The following GRID1 variants were observed in gnomAD, a reference collection of about 807,000 sequenced individuals.
The protein encoded by GRID1 is glutamate receptor ionotropic, delta-1.
In GRID1, 28 loss-of-function variants were observed where a neutral mutation model predicts 98.0. The ratio of observed to expected loss-of-function variants is 0.29; its 90% CI spans 0.21 to 0.39. The LOEUF (loss-of-function observed/expected upper bound fraction) is 0.39. Ranked by LOEUF, GRID1 falls within the 10% of genes least tolerant of loss-of-function variation. The pLI, the probability that GRID1 is intolerant of heterozygous loss-of-function variation, is 1.00. For synonymous variants in GRID1, 553 were observed against 538.5 expected, an observed-to-expected ratio of 1.03 and a Z score of -0.37; for missense variants, 1,111 against 1,340.5, an observed-to-expected ratio of 0.83 and a Z score of 2.67.
intron 3 of GRID1, among the ~76,000 whole-genome samples, chr10:86,146,508 C>G (rs900384084): frequency 5.9e-5 from 9 of 152,182 alleles, no homozygotes; most frequent in African/African-American, 2.2e-4. Flanking sequence ...CAAGGGAACC[C>G]AAAGAACTAC....
intron 4 of GRID1, chr10:86,052,420 T>TA (rs929982893): frequency 6.6e-6 from 1 of 152,156 alleles, no homozygotes; most frequent in African/African-American, 2.4e-5. Flanking sequence ...ATGAATATGT[T>TA]AAAGTTATTT....
chr10:86,295,129 C>T (rs572959330), intron 2 of GRID1, among the ~76,000 whole-genome samples: 11 of 152,286 alleles, frequency 7.2e-5, no homozygotes, highest in South Asian at 6.2e-4. Context: ...GCATACAGAA[C>T]GGCCTTTTCA....
intron 3 of GRID1, among the ~76,000 whole-genome samples, chr10:86,187,369 A>C (rs574693869): frequency 6.6e-6 from 1 of 152,334 alleles, no homozygotes; most frequent in Non-Finnish European, 1.5e-5. Context: ...TGAGACATGG[A>C]GACATTGAGT....
chr10:85,949,889 G>C (rs940757488), intron 4 of GRID1, among the ~76,000 whole-genome samples: 8 of 151,886 alleles, frequency 5.3e-5, no homozygotes, highest in African/African-American at 1.9e-4. Context: ...TATAAAAAGA[G>C]AGAGAGAGAA....
chr10:85,820,753 A>T (rs1842762896), intron 8 of GRID1, among the ~76,000 whole-genome samples: 1 of 152,174 alleles, frequency 6.6e-6, no homozygotes, highest in South Asian at 2.1e-4. Flanking sequence ...AAATTTTTAA[A>T]CTTATCTATA....
rs1841627563 is a variant in GRID1 at position 85,916,791 on chromosome 10, T to C, written c.727-552A>G. On this transcript the variant is annotated intron_variant, in intron 4 of 15. Transcript: ENST00000327946. The surrounding 1 kb of genome is among the most constrained non-coding windows in gnomAD (Gnocchi z 4.0). ...GGGCCGTAGCCCCATCCCGTAACTC[T>C]CTATTAGTGTTTTGTTCTGTTTCTT... Among the ~76,000 whole-genome samples, 1 of 152,188 alleles carries C rather than the reference T, an allele frequency of 6.6e-6. No homozygotes were observed. Among genetic ancestry groups the C allele is most frequent in the Non-Finnish European group, 1.5e-5 (1 of 68,032 alleles).
chr10:86,329,165 C>T (rs1373998682), intron 2 of GRID1, among the ~76,000 whole-genome samples: 2 of 152,218 alleles, frequency 1.3e-5, no homozygotes, highest in Non-Finnish European at 2.9e-5. Context: ...CCCTCCCGAG[C>T]CCTCTAATGT....
intron 3 of GRID1, among the ~76,000 whole-genome samples, chr10:86,199,162 C>T (rs1203267084): frequency 6.6e-6 from 1 of 152,096 alleles, no homozygotes; most frequent in Non-Finnish European, 1.5e-5. Context: ...AACAGCATTT[C>T]CTTGGAGTGA....
chr10:86,328,995 G>C (rs1293534166), intron 2 of GRID1, among the ~76,000 whole-genome samples: 1 of 152,208 alleles, frequency 6.6e-6, no homozygotes, highest in Non-Finnish European at 1.5e-5. Flanking sequence ...TATAAGGACT[G>C]AGTGTCTTTC....
intron 2 of GRID1, among the ~76,000 whole-genome samples, chr10:86,353,158 C>T (rs1848485211): frequency 6.6e-6 from 1 of 152,196 alleles, no homozygotes; most frequent in Admixed American, 6.5e-5. Context: ...CCTCCCTCCC[C>T]ACAGCCCACA....
chr10:86,170,736 C>T lies in GRID1; in HGVS notation c.521-31712G>A, dbSNP rs139272611. ...AGAAGACAACTGCTAACATGTTTGGCTGACAAAGGAGGAAGAGTCCTTCTT... is the reference window on the plus strand; with the variant it reads ...AGAAGACAACTGCTAACATGTTTGGTTGACAAAGGAGGAAGAGTCCTTCTT... On this transcript the variant is annotated intron_variant, in intron 3 of 15. Coordinates refer to ENST00000327946, the MANE Select transcript of GRID1 (RefSeq NM_017551.3). Among the ~76,000 whole-genome samples the T allele has an allele frequency of 1.3e-4, 20 of 152,340 alleles. No individual in the cohort carries two copies. In the East Asian group the frequency reaches 3.9e-3, roughly 29 times the overall value.
At position 86,136,076 on chromosome 10, in the gene GRID1, C is replaced by T. The variant is rs1439307988; in HGVS notation, c.726+2743G>A. 2.0e-5 allele frequency among the ~76,000 whole-genome samples: 3 copies of T among 152,180 alleles called. No homozygotes were observed. The East Asian group carries it at 5.8e-4, about 29-fold the overall frequency. On this transcript the variant is annotated intron_variant, in intron 4 of 15. Transcript: ENST00000327946. ...TTCAGGACATGTTCTGGCAGTGTGT[C>T]ATCCTTGTGAACATCGTTTGTCCTT... is the stretch of plus-strand genomic sequence containing the variant.
rs532502742 is a variant in GRID1 at position 85,703,966 on chromosome 10, T to C, written c.1997+19037A>G. Among the ~76,000 whole-genome samples, 3 of 152,284 alleles carry C rather than the reference T, an allele frequency of 2.0e-5. No individual in the cohort carries two copies. The East Asian group carries it at 5.8e-4, about 29-fold the overall frequency. On this transcript the variant is annotated intron_variant, in intron 12 of 15. Transcript: ENST00000327946. Reference sequence around the variant, plus strand: ...TCAGCATTTGCTTGTCTGTAAAGTATTTTATTTCTCCTTCACTTATGAAGC... The same window carrying C: ...TCAGCATTTGCTTGTCTGTAAAGTACTTTATTTCTCCTTCACTTATGAAGC...
chr10:86,338,823 G>A (rs1278381105), intron 2 of GRID1, among the ~76,000 whole-genome samples: 1 of 152,126 alleles, frequency 6.6e-6, no homozygotes, highest in African/African-American at 2.4e-5. Flanking sequence ...CTCCCAAAGT[G>A]CTAGGATTAC....
At chr10:85,705,959 T>C (rs953487464) in intron 12 of GRID1, among the ~76,000 whole-genome samples, 8 of 152,312 alleles carry the variant, frequency 5.3e-5, no homozygotes, top group African/African-American at 1.9e-4. Context: ...ATGGGACGTA[T>C]CTCAAAATAA....
intron 5 of GRID1, among the ~76,000 whole-genome samples, chr10:85,885,633 C>T (rs889430800): frequency 1.3e-5 from 2 of 152,172 alleles, no homozygotes; most frequent in African/African-American, 2.4e-5. Flanking sequence ...TTCCTCACAT[C>T]CATTCAGGCC....
At chr10:85,859,639 G>A (rs1843146689) in intron 6 of GRID1, among the ~76,000 whole-genome samples, 1 of 152,284 alleles carries the variant, frequency 6.6e-6, no homozygotes, top group East Asian at 1.9e-4. Flanking sequence ...ATCTTCCCAT[G>A]GAGCTGTTTC....
chr10:86,065,996 C>A (rs1250469879), intron 4 of GRID1, among the ~76,000 whole-genome samples: 1 of 152,202 alleles, frequency 6.6e-6, no homozygotes, highest in African/African-American at 2.4e-5. Context: ...ATTTTAAATT[C>A]TTCAAGTGCT....
intron 3 of GRID1, among the ~76,000 whole-genome samples, chr10:86,152,371 G>A (rs1845181379): frequency 6.6e-6 from 1 of 152,198 alleles, no homozygotes; most frequent in Non-Finnish European, 1.5e-5. Flanking sequence ...CCAGGGCCTA[G>A]GGCCCAGCCA....
Sources: gnomAD v4.1 joint callset for allele counts (sites outside exome capture counted in the v4.1 genomes callset) on GRCh38, gnomAD v4.1.1 for gene constraint, Gnocchi (gnomAD v3.1) non-coding constraint, MANE v1.5 for transcripts, NCBI Gene and HGNC (gene_info 2026-07-23, HGNC 2026-07-21) for gene names.